The following CSMD1 variants were observed in gnomAD, a reference collection of about 807,000 sequenced individuals.
The protein encoded by CSMD1 is CUB and sushi domain-containing protein 1.
Under a neutral mutation model 417.5 loss-of-function variants are expected in CSMD1, and 213 were observed. The ratio of observed to expected loss-of-function variants is 0.51; its 90% CI spans 0.46 to 0.57. CSMD1 has a LOEUF of 0.57. Ranked by LOEUF, CSMD1 falls within the 20% of genes least tolerant of loss-of-function variation. The probability of loss-of-function intolerance (pLI) is 0.00; values close to 1 mark genes in which losing one functional copy is unlikely to be tolerated. For synonymous variants in CSMD1, 2,862 were observed against 1,736.8 expected (o/e 1.65, Z -16.11); for missense variants, 6,923 against 4,529.7 (o/e 1.53, Z -15.17).
chr8:3,371,840 A>T (rs1809972596), intron 18 of CSMD1, among the ~76,000 whole-genome samples: 1 of 152,248 alleles, frequency 6.6e-6, no homozygotes, highest in African/African-American at 2.4e-5. Flanking sequence ...GAATTTTTGC[A>T]TCTGAAGATT....
intron 25 of CSMD1, among the ~76,000 whole-genome samples, chr8:3,287,727 A>AT (rs1337718619): frequency 6.6e-6 from 1 of 152,168 alleles, no homozygotes; most frequent in Non-Finnish European, 1.5e-5. Flanking sequence ...TTTTCTCCAT[A>AT]TACAATCACG....
At chr8:4,631,015 G>C (rs1802478293) in intron 2 of CSMD1, among the ~76,000 whole-genome samples, 1 of 152,128 alleles carries the variant, frequency 6.6e-6, no homozygotes, top group Non-Finnish European at 1.5e-5. Flanking sequence ...TTTGACAGTG[G>C]CTTCACCCTC....
intron 3 of CSMD1, among the ~76,000 whole-genome samples, chr8:4,210,368 T>G (rs553601478): frequency 2.6e-4 from 39 of 152,372 alleles, no homozygotes; most frequent in African/African-American, 9.1e-4. Context: ...TTTGAGACAT[T>G]CAAATCCAAC....
intron 3 of CSMD1, among the ~76,000 whole-genome samples, chr8:4,071,339 C>T (rs1447756855): frequency 6.6e-6 from 1 of 152,132 alleles, no homozygotes; most frequent in Non-Finnish European, 1.5e-5. Context: ...CTAACATCAT[C>T]AAGCTCCCTA....
intron 5 of CSMD1, among the ~76,000 whole-genome samples, chr8:3,984,643 C>T (rs1454760133): frequency 7.0e-6 from 1 of 143,040 alleles, no homozygotes; most frequent in Non-Finnish European, 1.5e-5. Flanking sequence ...AATGCCAAGG[C>T]TTGTTACTTG....
intron 10 of CSMD1, among the ~76,000 whole-genome samples, chr8:3,556,655 C>G (rs151273848): frequency 2.8e-4 from 43 of 151,600 alleles, no homozygotes; most frequent in African/African-American, 1.0e-3. Context: ...CACCTGTTAA[C>G]GAGGATAATG....
intron 3 of CSMD1, among the ~76,000 whole-genome samples, chr8:4,356,405 G>C (rs775636715): frequency 6.6e-6 from 1 of 151,928 alleles, no homozygotes; most frequent in Non-Finnish European, 1.5e-5. Flanking sequence ...CTACGATTTT[G>C]CAATTGTCAA....
At chr8:3,491,583 G>A (rs879694968) in intron 11 of CSMD1, among the ~76,000 whole-genome samples, 2 of 152,162 alleles carry the variant, frequency 1.3e-5, no homozygotes, top group Non-Finnish European at 2.9e-5. Context: ...GTGTTCTCTT[G>A]CAAAATGTCC....
At chr8:4,362,871 G>T (rs980886577) in intron 3 of CSMD1, among the ~76,000 whole-genome samples, 2 of 152,096 alleles carry the variant, frequency 1.3e-5, no homozygotes, top group Admixed American at 1.3e-4. Context: ...ATAAATTCAT[G>T]GCTCATCTGA....
intron 2 of CSMD1, among the ~76,000 whole-genome samples, chr8:4,532,065 G>A (rs189963061): frequency 2.7e-4 from 37 of 137,924 alleles, no homozygotes; most frequent in Admixed American, 2.1e-3. Context: ...AATAAATCCC[G>A]CACCCTCATT....
intron 5 of CSMD1, among the ~76,000 whole-genome samples, chr8:3,872,245 G>C (rs1805526951): frequency 6.6e-6 from 1 of 152,072 alleles, no homozygotes; most frequent in Admixed American, 6.6e-5. Context: ...GTTGTTTTTA[G>C]GGAAAAGGGT....
In CSMD1 at chr8:3,429,262, C is replaced by G. The variant is rs1814055869; in HGVS notation, c.1562-19657G>C. 2.0e-5 allele frequency among the ~76,000 whole-genome samples: 3 copies of G among 152,096 alleles called. No homozygotes were observed. In the East Asian group the frequency reaches 5.8e-4, roughly 29 times the overall value. ...TACGAACCTTGATTTGACCATTTCACAATGTAAATATGTACTGAAGCATAA... is the reference window on the plus strand; with the variant it reads ...TACGAACCTTGATTTGACCATTTCAGAATGTAAATATGTACTGAAGCATAA... On this transcript the variant is annotated intron_variant, in intron 12 of 69. Coordinates refer to ENST00000635120, the MANE Select transcript of CSMD1 (RefSeq NM_033225.6).
intron 21 of CSMD1, among the ~76,000 whole-genome samples, chr8:3,351,816 TATTTA>T (rs1258827478): frequency 1.3e-5 from 2 of 150,466 alleles, no homozygotes; most frequent in African/African-American, 2.4e-5. Flanking sequence ...GTGTACTCAC[TATTTA>T]ATTTATATTT....
At chr8:4,386,636 T>G (rs886712523) in intron 3 of CSMD1, among the ~76,000 whole-genome samples, 2 of 152,196 alleles carry the variant, frequency 1.3e-5, no homozygotes, top group African/African-American at 4.8e-5. Flanking sequence ...TGGCAAGCCA[T>G]GGGAGTTATC....
intron 32 of CSMD1, among the ~76,000 whole-genome samples, chr8:3,200,942 C>T (rs1367932625): frequency 6.6e-6 from 1 of 152,060 alleles, no homozygotes; most frequent in Non-Finnish European, 1.5e-5. Context: ...TGTATCAGTA[C>T]AAATAAGGGG....
intron 3 of CSMD1, among the ~76,000 whole-genome samples, chr8:4,177,127 A>G (rs1352062975): frequency 6.6e-6 from 1 of 152,186 alleles, no homozygotes; most frequent in Non-Finnish European, 1.5e-5. Context: ...CAGAATATAC[A>G]TGTTTTTCAG....
chr8:4,553,497 G>C (rs1797958913), intron 2 of CSMD1, among the ~76,000 whole-genome samples: 2 of 150,980 alleles, frequency 1.3e-5, no homozygotes, highest in South Asian at 4.2e-4. Context: ...AAATAAAGGA[G>C]GGAGAGACTG....
chr8:4,085,462 G>C (rs1451459048), intron 3 of CSMD1, among the ~76,000 whole-genome samples: 1 of 152,156 alleles, frequency 6.6e-6, no homozygotes, highest in Non-Finnish European at 1.5e-5. Flanking sequence ...CTCAGATCAT[G>C]TTTGCTGACA....
intron 7 of CSMD1, among the ~76,000 whole-genome samples, chr8:3,643,511 G>C (rs545031096): frequency 6.6e-6 from 1 of 151,904 alleles, no homozygotes; most frequent in Non-Finnish European, 1.5e-5. Flanking sequence ...AACCATCCTG[G>C]CTAACACAGT....
Sources: allele counts gnomAD v4.1 joint callset (sites outside exome capture counted in the v4.1 genomes callset), GRCh38; gene constraint gnomAD v4.1.1; transcripts MANE v1.5; gene names NCBI Gene and HGNC (gene_info 2026-07-23, HGNC 2026-07-21).